The following FBLN2 variants were observed in gnomAD, a reference collection of about 807,000 sequenced individuals.
The protein encoded by FBLN2 is fibulin-2.
In FBLN2, 81 loss-of-function variants were observed where a neutral mutation model predicts 123.7. The observed-to-expected ratio is 0.65, with a 90% CI of 0.55 to 0.79. The LOEUF (loss-of-function observed/expected upper bound fraction) is 0.79. Ranked by LOEUF, FBLN2 falls within the 30% of genes least tolerant of loss-of-function variation. FBLN2 has a pLI of 0.00. For missense variants in FBLN2, 1,603 were observed against 1,681.3 expected, an observed-to-expected ratio of 0.95 and a Z score of 0.81; for synonymous variants, 699 against 701.4, an observed-to-expected ratio of 1.00 and a Z score of 0.05.
At chr3:13,563,025 T>C (rs1282323065) in intron 1 of FBLN2, among the ~76,000 whole-genome samples, 2 of 152,234 alleles carry the variant, frequency 1.3e-5, no homozygotes, top group African/African-American at 2.4e-5. Flanking sequence ...CATCCATCCA[T>C]TGATGGTCAC....
intron 1 of FBLN2, among the ~76,000 whole-genome samples, chr3:13,567,080 G>C (rs1470784935): frequency 6.6e-6 from 1 of 152,176 alleles, no homozygotes; most frequent in African/African-American, 2.4e-5. Flanking sequence ...TGAGGTTTGG[G>C]ATTGCTTAAG....
intron 15 of FBLN2, 23 bp downstream of exon 15, chr3:13,630,838 C>T (rs1237436112): frequency 6.5e-7 from 1 of 1,537,056 alleles, no homozygotes; most frequent in Non-Finnish European, 8.9e-7. Context: ...TGTCCAAGGG[C>T]CCCCTTCCAG....
chr3:13,586,496 T>G (rs1388418552), intron 2 of FBLN2, among the ~76,000 whole-genome samples: 1 of 80,074 alleles, frequency 1.2e-5, no homozygotes, highest in Admixed American at 1.2e-4. Flanking sequence ...GTCTTAGTTG[T>G]TTTTTTTTTT....
chr3:13,611,241 C>T (rs908539530), intron 4 of FBLN2, among the ~76,000 whole-genome samples: 1 of 152,172 alleles, frequency 6.6e-6, no homozygotes, highest in African/African-American at 2.4e-5. Flanking sequence ...GCCACTGCGT[C>T]CAGCTGAAAT....
chr3:13,626,655 C>T, intron 10 of FBLN2, 76 bp downstream of exon 10: 1 of 1,421,852 alleles, frequency 7.0e-7, no homozygotes, highest in Non-Finnish European at 9.4e-7. Flanking sequence ...CTGGTCCCAC[C>T]CCTGTCCTGC....
intron 10 of FBLN2, 117 bp downstream of exon 10, chr3:13,626,696 T>C (rs1574996803): frequency 2.0e-6 from 2 of 999,428 alleles, no homozygotes; most frequent in Non-Finnish European, 2.7e-6. Context: ...GCCACGCCCC[T>C]CTCCATCCCC....
chr3:13,570,241 G>A (rs1006880250), intron 1 of FBLN2, 74 bp from the exon 2 acceptor site: 34 of 1,421,058 alleles, frequency 2.4e-5, no homozygotes, highest in African/African-American at 4.3e-5. Flanking sequence ...GCCCCTGCCC[G>A]CGTGCGTGCC....
At chr3:13,619,932 G>A in intron 8 of FBLN2, 101 bp downstream of exon 8, 1 of 863,818 alleles carries the variant, frequency 1.2e-6, no homozygotes, top group Non-Finnish European at 1.8e-6. Context: ...TGCTGAGTTT[G>A]TGCAGGAAGA....
rs549659052 is a variant in FBLN2, at chr3:13,549,190, C to T, written c.-60C>T. The stretch of plus-strand genomic sequence containing the variant: ...GGCCGGGCGGACGGACGGACGGACG[C>T]CGAGCGCAGTGCCCCGCGGTGAGTG... On this transcript the variant is annotated 5_prime_UTR_variant, in exon 1 of 18. Coordinates refer to ENST00000404922, the MANE Select transcript of FBLN2 (RefSeq NM_001004019.2). 183 of 982,730 alleles carry T rather than the reference C, an allele frequency of 1.9e-4. No individual in the cohort carries two copies. The South Asian group carries it at 7.3e-3, about 39-fold the overall frequency. 60.9% of individuals were successfully genotyped at this position (982,730 alleles called of 1,614,324 possible).
At chr3:13,598,363 C>T (rs963058509) in intron 2 of FBLN2, among the ~76,000 whole-genome samples, 4 of 152,172 alleles carry the variant, frequency 2.6e-5, no homozygotes, top group East Asian at 3.9e-4. Flanking sequence ...CCGAGTGACT[C>T]GCCCAAGTGC....
intron 4 of FBLN2, among the ~76,000 whole-genome samples, chr3:13,611,870 G>A (rs1266884554): frequency 6.6e-6 from 1 of 152,178 alleles, no homozygotes; most frequent in African/African-American, 2.4e-5. Context: ...TCTTTATTCT[G>A]GGAGGTCAGG....
At chr3:13,612,289 A>AT (rs1179872455) in intron 4 of FBLN2, among the ~76,000 whole-genome samples, 4,471 of 92,312 alleles carry the variant, frequency 0.048, 87 homozygotes, top group Non-Finnish European at 0.063. Context: ...CTTTTCTTTT[A>AT]TTTTCCTTTC....
intron 1 of FBLN2, among the ~76,000 whole-genome samples, chr3:13,563,908 C>T (rs1703674328): frequency 1.3e-5 from 2 of 152,176 alleles, no homozygotes; most frequent in African/African-American, 2.4e-5. Flanking sequence ...GGCCTCTCTC[C>T]TCCTGGTGTG....
At position 13,629,225 on chromosome 3, in the gene FBLN2, C is replaced by T. The variant is rs1177751068; in HGVS notation, c.2775C>T (p.Leu925=). The T allele has an allele frequency of 3.7e-6, 6 of 1,613,402 alleles. No individual in the cohort carries two copies. The highest frequency in any genetic ancestry group is 1.7e-4 in the Middle Eastern group (1 of 6,016). ...RCGEGQVCHN[L]PGSYRCDCKA... ...GTGAGGGCCAAGTGTGCCACAACCTCCCTGGCTCCTACCGCTGTGACTGCA... is the reference window on the plus strand; with the variant it reads ...GTGAGGGCCAAGTGTGCCACAACCTTCCTGGCTCCTACCGCTGTGACTGCA... Residue 925 remains leucine (L), a synonymous_variant, in exon 13 of 18, where the codon CTC becomes CTT. Transcript: ENST00000404922.
At chr3:13,604,330 T>C (rs1433669049) in intron 2 of FBLN2, among the ~76,000 whole-genome samples, 2 of 152,172 alleles carry the variant, frequency 1.3e-5, no homozygotes, top group Admixed American at 6.5e-5. Flanking sequence ...CTGAATGGTA[T>C]TGCCTAGGTT....
At chr3:13,614,311 G>A (rs759870536) in intron 5 of FBLN2, 147 bp downstream of exon 5, 90 of 822,174 alleles carry the variant, frequency 1.1e-4, no homozygotes, top group Non-Finnish European at 1.5e-4. Flanking sequence ...TGATTTCATT[G>A]TTTTCTGTGG....
intron 16 of FBLN2, 69 bp downstream of exon 16, chr3:13,631,526 A>G: frequency 6.7e-7 from 1 of 1,503,258 alleles, no homozygotes; most frequent in Non-Finnish European, 8.9e-7. Context: ...AGGCACAGAA[A>G]AGCTCACACA....
chr3:13,577,432 G>A (rs1195491241), intron 2 of FBLN2, among the ~76,000 whole-genome samples: 2 of 152,134 alleles, frequency 1.3e-5, no homozygotes, highest in East Asian at 3.9e-4. Context: ...AGAGGGAGGG[G>A]GATAGGAGAT....
In FBLN2 at chr3:13,600,065, TAG is replaced by T. The variant is rs149176892; in HGVS notation, c.1307-7982_1307-7981del. On this transcript the variant is annotated intron_variant, in intron 2 of 17. Transcript: ENST00000404922. Reference sequence around the variant, plus strand: ...AGAGAGCGAGAGAGAGAGAGAGCGATAGAGAGAGAGAGAGAGCGCCAGGCAGG... The same window carrying T: ...AGAGAGCGAGAGAGAGAGAGAGCGATAGAGAGAGAGAGAGCGCCAGGCAGG... 8.7e-4 allele frequency among the ~76,000 whole-genome samples: 80 copies of T among 92,242 alleles called. 1 individual carries two copies. Among genetic ancestry groups the T allele is most frequent in the African/African-American group, 2.9e-3 (70 of 24,410 alleles). The allele number at this position is 92,242 out of a possible 152,430, so 60.5% of individuals were successfully genotyped here.
Sources: gnomAD v4.1 joint callset for allele counts (sites outside exome capture counted in the v4.1 genomes callset) on GRCh38, gnomAD v4.1.1 for gene constraint, MANE v1.5 for transcripts, NCBI Gene and HGNC (gene_info 2026-07-23, HGNC 2026-07-21) for gene names.